ACOT7: variants seen among roughly 807,000 people sequenced by gnomAD.
ACOT7 encodes cytosolic acyl coenzyme A thioester hydrolase.
A neutral mutation model predicts 40.2 loss-of-function variants in ACOT7; 12 were observed. That is an observed-to-expected ratio of 0.30 (90% CI 0.19 to 0.48). The LOEUF (loss-of-function observed/expected upper bound fraction) is 0.48. Among genes scored for constraint, ACOT7 ranks in the 20% least tolerant of loss-of-function variants. The probability of loss-of-function intolerance (pLI) is 0.99; values close to 1 mark genes in which losing one functional copy is unlikely to be tolerated. For synonymous variants in ACOT7, 228 were observed against 219.5 expected, an observed-to-expected ratio of 1.04 and a Z score of -0.34; for missense variants, 395 against 530.8, an observed-to-expected ratio of 0.74 and a Z score of 2.51.
At chr1:6,325,042 G>A (rs546161354) in intron 5 of ACOT7, among the ~76,000 whole-genome samples, 280 of 152,306 alleles carry the variant, frequency 1.8e-3, no homozygotes, top group African/African-American at 6.4e-3. Context: ...GCCCCAGCAC[G>A]TGCCTCCAGG....
chr1:6,377,388 AT>A lies in ACOT7; in HGVS notation c.143+15868del, dbSNP rs1321250589. On this transcript the variant is annotated intron_variant, in intron 1 of 8. Coordinates refer to ENST00000361521, the MANE Select transcript of ACOT7 (RefSeq NM_007274.4). ...CCATCTCTATTTAAATAATAAAAAA[AT>A]ACATTATGTAAAAACTTAGTAGGTA... Among the ~76,000 whole-genome samples the A allele has an allele frequency of 3.3e-5, 5 of 152,300 alleles. No individual in the cohort carries two copies. In the East Asian group the frequency reaches 9.7e-4, roughly 29 times the overall value.
chr1:6,377,833 A>G (rs968709456), intron 1 of ACOT7, among the ~76,000 whole-genome samples: 2 of 152,136 alleles, frequency 1.3e-5, no homozygotes, highest in Non-Finnish European at 2.9e-5. Flanking sequence ...CACTTTGGTA[A>G]GCCTAGGCGG....
Position 6,282,777 on chromosome 1 carries a change from G to A in ACOT7, c.830-1491C>T, listed in dbSNP as rs769566232. The A allele has an allele frequency of 7.7e-7, 1 of 1,304,244 alleles. No homozygotes were observed. The highest frequency in any genetic ancestry group is 1.2e-5 in the South Asian group (1 of 81,030). 80.8% of individuals were successfully genotyped at this position (1,304,244 alleles called of 1,614,324 possible). A position where few individuals can be genotyped will look rare whatever the true frequency, so the allele number is the denominator to read the frequency against. Reference sequence around the variant, plus strand: ...AGGAGGAAGGAGCTGTGTGGTCAGCGCCAGCAGGCATTACGTGAGCTGTAA... The same window carrying A: ...AGGAGGAAGGAGCTGTGTGGTCAGCACCAGCAGGCATTACGTGAGCTGTAA... On this transcript the variant is annotated intron_variant, in intron 7 of 8. Transcript: ENST00000361521. The surrounding 1 kb of genome is among the most constrained non-coding windows in gnomAD (Gnocchi z 4.5).
At chr1:6,303,365 C>G (rs900998870) in intron 6 of ACOT7, among the ~76,000 whole-genome samples, 1 of 152,068 alleles carries the variant, frequency 6.6e-6, no homozygotes, top group African/African-American at 2.4e-5. Flanking sequence ...AATGTATACA[C>G]GTTAGGTACC....
chr1:6,386,088 G>A (rs891451934), intron 1 of ACOT7, among the ~76,000 whole-genome samples: 2 of 152,300 alleles, frequency 1.3e-5, no homozygotes, highest in South Asian at 4.1e-4. Flanking sequence ...CCACCTGGGC[G>A]GAGTTCCACC....
Position 6,281,228 on chromosome 1 carries a change from G to A in ACOT7, c.888C>T (p.Ile296=), listed in dbSNP as rs140066536. The A allele has an allele frequency of 1.1e-5, 18 of 1,613,728 alleles. No individual in the cohort carries two copies. Among genetic ancestry groups the A allele is most frequent in the African/African-American group, 9.4e-5 (7 of 74,696 alleles). ...MTFTSNKSME[I]EVLVDADPVV... is the part of the protein sequence containing the mutation. ...CAGGGTCGGCGTCCACCAACACCTCGATCTCCATGGACTTATTGCTCGTGA... is the reference window on the plus strand; with the variant it reads ...CAGGGTCGGCGTCCACCAACACCTCAATCTCCATGGACTTATTGCTCGTGA... Residue 296 remains isoleucine, a synonymous_variant, in exon 8 of 9, where the codon ATC becomes ATT. Coordinates refer to ENST00000361521, the MANE Select transcript of ACOT7 (RefSeq NM_007274.4).
intron 6 of ACOT7, among the ~76,000 whole-genome samples, chr1:6,307,179 G>A (rs969337861): frequency 2.0e-5 from 3 of 152,258 alleles, no homozygotes; most frequent in Admixed American, 6.5e-5. Context: ...GGAGCACGGC[G>A]GGGCTCGGCA....
chr1:6,319,967 A>G (rs1211453153), intron 5 of ACOT7, among the ~76,000 whole-genome samples: 1 of 152,222 alleles, frequency 6.6e-6, no homozygotes, highest in Non-Finnish European at 1.5e-5. Flanking sequence ...GGCCAGGCCC[A>G]TAGTCCTGCT....
rs1255545183 is a variant in ACOT7 at position 6,352,434 on chromosome 1, C to G, written c.144-2568G>C. 2.9e-4 allele frequency among the ~76,000 whole-genome samples: 44 copies of G among 152,196 alleles called. No individual in the cohort carries two copies. The highest frequency in any genetic ancestry group is 2.9e-3 in the Admixed American group (44 of 15,282). On this transcript the variant is annotated intron_variant, in intron 1 of 8. Coordinates refer to ENST00000361521, the MANE Select transcript of ACOT7 (RefSeq NM_007274.4). The surrounding 1 kb of genome is among the most constrained non-coding windows in gnomAD (Gnocchi z 4.5). Reference sequence around the variant, plus strand: ...GCCAGCCTCCAGGACCCATAAACAGCTCTGTCACTCTCTCAGGCCCCGCCC... The same window carrying G: ...GCCAGCCTCCAGGACCCATAAACAGGTCTGTCACTCTCTCAGGCCCCGCCC...
At chr1:6,315,926 G>A (rs923590239) in intron 6 of ACOT7, among the ~76,000 whole-genome samples, 1 of 152,048 alleles carries the variant, frequency 6.6e-6, no homozygotes, top group Admixed American at 6.6e-5. Context: ...CTTAGACACC[G>A]TAAATGAACA....
At chr1:6,332,972 C>T (rs1249346685) in intron 4 of ACOT7, among the ~76,000 whole-genome samples, 1 of 152,218 alleles carries the variant, frequency 6.6e-6, no homozygotes, top group Non-Finnish European at 1.5e-5. Context: ...CATATGACAA[C>T]TGTTTCCACA....
chr1:6,366,379 T>A (rs1642012163), intron 1 of ACOT7, among the ~76,000 whole-genome samples: 1 of 151,792 alleles, frequency 6.6e-6, no homozygotes, highest in Non-Finnish European at 1.5e-5. Flanking sequence ...GCCCAGGAGT[T>A]CCAGACCAGC....
At chr1:6,323,002 T>C (rs1196646386) in intron 5 of ACOT7, among the ~76,000 whole-genome samples, 1 of 151,958 alleles carries the variant, frequency 6.6e-6, no homozygotes, top group African/African-American at 2.4e-5. Context: ...TGGTGGCGGG[T>C]GCCTGTAATC....
At position 6,330,084 on chromosome 1, in the gene ACOT7, C is replaced by T. The variant is rs975345615; in HGVS notation, c.511-2671G>A. ...TGTGTGTGGTGTGTGTGTGTGTGTG[C>T]GTGTTCAAGATATCTACATGCATAC... On this transcript the variant is annotated intron_variant, in intron 4 of 8. Coordinates refer to ENST00000361521, the MANE Select transcript of ACOT7 (RefSeq NM_007274.4). This position sits in a 1 kb window ranked among gnomAD's most constrained non-coding sequence, Gnocchi z 4.6. Among the ~76,000 whole-genome samples the T allele has an allele frequency of 1.3e-5, 2 of 151,922 alleles. No individual in the cohort carries two copies. Among genetic ancestry groups the T allele is most frequent in the Non-Finnish European group, 2.9e-5 (2 of 67,994 alleles).
Position 6,358,938 on chromosome 1 carries a change from T to TC in ACOT7, c.144-9073dup. The TC allele has an allele frequency of 6.5e-7, 1 of 1,548,578 alleles. No homozygotes were observed. Among genetic ancestry groups the TC allele is most frequent in the Non-Finnish European group, 8.7e-7 (1 of 1,144,430 alleles). On this transcript the variant is annotated intron_variant, in intron 1 of 8. Transcript: ENST00000361521. The surrounding 1 kb of genome is among the most constrained non-coding windows in gnomAD (Gnocchi z 4.1). The stretch of plus-strand genomic sequence containing the variant: ...TTGCCTGACCCAGGACTGTCCCAGC[T>TC]CCCTGCCACACCGGGCTTGGTGGGG...
intron 1 of ACOT7, among the ~76,000 whole-genome samples, chr1:6,379,116 G>A (rs542053383): frequency 3.3e-5 from 5 of 151,846 alleles, no homozygotes; most frequent in Admixed American, 1.3e-4. Flanking sequence ...GGATGGTCCC[G>A]ATCTCCTGAC....
In ACOT7 at chr1:6,294,856, G is replaced by C. The variant is rs1037817919; in HGVS notation, c.829+8C>G. On this transcript the variant is annotated splice_region_variant and intron_variant, in intron 7 of 8. Transcript: ENST00000361521. The surrounding 1 kb of genome is among the most constrained non-coding windows in gnomAD (Gnocchi z 4.6). ...TGCCTCCCTCGTCTTTGCCAGAAGA[G>C]TGGTTACCTTTTCTGATCTTGTCAT... 3.1e-6 allele frequency: 5 copies of C among 1,612,722 alleles called. No individual in the cohort carries two copies. Among genetic ancestry groups the C allele is most frequent in the Non-Finnish European group, 8.5e-7 (1 of 1,178,846 alleles).
At chr1:6,305,822 G>T (rs542406436) in intron 6 of ACOT7, among the ~76,000 whole-genome samples, 1 of 152,148 alleles carries the variant, frequency 6.6e-6, no homozygotes, top group African/African-American at 2.4e-5. Context: ...CGGCACTTTG[G>T]GGGGCCAAGG....
At chr1:6,384,246 A>G (rs1319126826) in intron 1 of ACOT7, among the ~76,000 whole-genome samples, 1 of 151,882 alleles carries the variant, frequency 6.6e-6, no homozygotes, top group Non-Finnish European at 1.5e-5. Flanking sequence ...CAATAAGCAC[A>G]TGAGAAGATG....
Sources: gnomAD v4.1 joint callset for allele counts (sites outside exome capture counted in the v4.1 genomes callset) on GRCh38, gnomAD v4.1.1 for gene constraint, Gnocchi (gnomAD v3.1) non-coding constraint, MANE v1.5 for transcripts, NCBI Gene and HGNC (gene_info 2026-07-23, HGNC 2026-07-21) for gene names.